Variants in ROBO1 observed in about 807,000 individuals in gnomAD.
ROBO1 encodes the protein roundabout guidance receptor 1.
In ROBO1, 149 loss-of-function variants were observed where a neutral mutation model predicts 195.9. That is an observed-to-expected ratio of 0.76 (90% CI 0.67 to 0.87). The LOEUF (loss-of-function observed/expected upper bound fraction) is 0.87. Among genes scored for constraint, ROBO1 ranks in the 40% least tolerant of loss-of-function variants. The pLI, the probability that ROBO1 is intolerant of heterozygous loss-of-function variation, is 0.00. For synonymous variants in ROBO1, 816 were observed against 733.2 expected (o/e 1.11, Z -1.82); for missense variants, 1,933 against 2,068.3 (o/e 0.93, Z 1.27).
chr3:79,000,342 T>C (rs185236317), intron 3 of ROBO1, among the ~76,000 whole-genome samples: 1 of 152,292 alleles, frequency 6.6e-6, no homozygotes, highest in Admixed American at 6.5e-5. Context: ...ATGGATAGAT[T>C]GCAAAAATTT....
intron 2 of ROBO1, among the ~76,000 whole-genome samples, chr3:79,260,125 T>TA: frequency 6.6e-6 from 1 of 151,582 alleles, no homozygotes; most frequent in Non-Finnish European, 1.5e-5. Context: ...TATATATATA[T>TA]TTGTATTCCC....
chr3:79,634,338 A>C (rs1945434201), intron 1 of ROBO1, among the ~76,000 whole-genome samples: 2 of 152,194 alleles, frequency 1.3e-5, no homozygotes, highest in Admixed American at 6.6e-5. Context: ...AGCACCATGC[A>C]GCTTCCAGGA....
chr3:79,692,062 C>T (rs1242515692), intron 1 of ROBO1, among the ~76,000 whole-genome samples: 3 of 151,646 alleles, frequency 2.0e-5, no homozygotes, highest in East Asian at 3.9e-4. Flanking sequence ...GTAGACAGGA[C>T]TATAAAGCTG....
chr3:79,322,104 G>A (rs1033798305), intron 2 of ROBO1, among the ~76,000 whole-genome samples: 1 of 152,272 alleles, frequency 6.6e-6, no homozygotes, highest in African/African-American at 2.4e-5. Context: ...TGAACTAATA[G>A]CTGCTGTGGC....
chr3:79,526,115 G>A lies in ROBO1; in HGVS notation c.88+63709C>T, dbSNP rs565194027. Among the ~76,000 whole-genome samples, 30 of 152,246 alleles carry A rather than the reference G, an allele frequency of 2.0e-4. No homozygotes were observed. The East Asian group carries it at 5.8e-3, about 29-fold the overall frequency. On this transcript the variant is annotated intron_variant, in intron 2 of 30. Transcript: ENST00000464233. ...GCCAGAAACTTAAACAGGGTAGCTA[G>A]TCTTATCTTCTCATAGGAAGAATTT...
At chr3:79,195,204 A>C (rs1030364495) in intron 2 of ROBO1, among the ~76,000 whole-genome samples, 1 of 151,598 alleles carries the variant, frequency 6.6e-6, no homozygotes, top group East Asian at 1.9e-4. Flanking sequence ...GGGAATAATA[A>C]TAATACCTCC....
At chr3:79,736,762 T>A (rs1158621111) in intron 1 of ROBO1, among the ~76,000 whole-genome samples, 2 of 152,190 alleles carry the variant, frequency 1.3e-5, no homozygotes, top group Non-Finnish European at 2.9e-5. Flanking sequence ...CACTGGTAAC[T>A]GTCAGGGGAT....
intron 4 of ROBO1, among the ~76,000 whole-genome samples, chr3:78,810,679 A>G (rs777411736): frequency 1.2e-4 from 18 of 152,144 alleles, no homozygotes; most frequent in Non-Finnish European, 2.4e-4. Context: ...GGGAAAAAAA[A>G]AAAGTAATCA....
At chr3:79,447,072 G>A (rs192174825) in intron 2 of ROBO1, among the ~76,000 whole-genome samples, 14 of 151,636 alleles carry the variant, frequency 9.2e-5, no homozygotes, top group East Asian at 5.8e-4. Context: ...CTTGTGATCC[G>A]TCCGCCTTGG....
chr3:79,020,160 C>T lies in ROBO1; in HGVS notation c.173-81233G>A, dbSNP rs1002561031. Among the ~76,000 whole-genome samples the T allele has an allele frequency of 2.6e-5, 4 of 152,162 alleles. No individual in the cohort carries two copies. The East Asian group carries it at 5.8e-4, about 22-fold the overall frequency. ...AAACAAATGCAAAAAACAATCTTGA[C>T]AAGCCCAGAGTTTGCAGTTAGGAGA... On this transcript the variant is annotated intron_variant, in intron 3 of 30. Transcript: ENST00000464233.
chr3:79,729,527 C>T (rs1703060454), intron 1 of ROBO1, among the ~76,000 whole-genome samples: 1 of 152,124 alleles, frequency 6.6e-6, no homozygotes, highest in Admixed American at 6.5e-5. Context: ...TGTTTCCAAT[C>T]CTTGGAAAAG....
intron 1 of ROBO1, among the ~76,000 whole-genome samples, chr3:79,610,118 G>A (rs987373802): frequency 6.6e-6 from 1 of 151,576 alleles, no homozygotes; most frequent in Non-Finnish European, 1.5e-5. Context: ...GTTAATTTAG[G>A]TCATTAGAAA....
At chr3:79,300,861 C>A (rs2032906633) in intron 2 of ROBO1, among the ~76,000 whole-genome samples, 1 of 152,008 alleles carries the variant, frequency 6.6e-6, no homozygotes. Context: ...CTTGGAGAAC[C>A]TTTATGTCAC....
At chr3:78,992,821 G>C (rs1389169798) in intron 3 of ROBO1, among the ~76,000 whole-genome samples, 1 of 152,148 alleles carries the variant, frequency 6.6e-6, no homozygotes. Context: ...AAGCATGTCT[G>C]TGTACACCTA....
chr3:78,686,021 GTATT>G (rs571399688), intron 9 of ROBO1, 104 bp from the exon 10 acceptor site: 456 of 943,802 alleles, frequency 4.8e-4, no homozygotes, highest in Admixed American at 7.8e-4. Flanking sequence ...ACATATAAAA[GTATT>G]CATACACATA....
intron 2 of ROBO1, among the ~76,000 whole-genome samples, chr3:79,213,989 C>G (rs916888793): frequency 1.3e-5 from 2 of 151,794 alleles, no homozygotes; most frequent in East Asian, 3.9e-4. Flanking sequence ...CCACGCCCTG[C>G]TAAGTTTTAT....
intron 4 of ROBO1, among the ~76,000 whole-genome samples, chr3:78,830,044 A>C (rs2032011698): frequency 6.6e-6 from 1 of 152,144 alleles, no homozygotes; most frequent in Non-Finnish European, 1.5e-5. Flanking sequence ...AAGGTGACAC[A>C]AATCCAAGTG....
At chr3:79,693,678 T>C (rs1947361408) in intron 1 of ROBO1, among the ~76,000 whole-genome samples, 1 of 151,702 alleles carries the variant, frequency 6.6e-6, no homozygotes, top group African/African-American at 2.4e-5. Flanking sequence ...CCTTGAACAA[T>C]TTTCCCCCTT....
At chr3:79,591,204 T>C (rs1943990323) in intron 1 of ROBO1, among the ~76,000 whole-genome samples, 1 of 151,832 alleles carries the variant, frequency 6.6e-6, no homozygotes, top group Non-Finnish European at 1.5e-5. Context: ...TCCACCTCAA[T>C]GAAGTTCTAA....
Sources: allele counts gnomAD v4.1 joint callset (sites outside exome capture counted in the v4.1 genomes callset), GRCh38; gene constraint gnomAD v4.1.1; transcripts MANE v1.5; gene names NCBI Gene and HGNC (gene_info 2026-07-23, HGNC 2026-07-21).